The following FAM185A variants were observed in gnomAD, a reference collection of about 807,000 sequenced individuals.
The protein encoded by FAM185A is family with sequence similarity 185 member A.
A neutral mutation model predicts 45.7 loss-of-function variants in FAM185A; 21 were observed. The observed-to-expected ratio is 0.46, with a 90% CI of 0.33 to 0.66. The LOEUF is 0.66. Ranked by LOEUF, FAM185A falls within the 30% of genes least tolerant of loss-of-function variation. The pLI is 0.03. For synonymous variants in FAM185A, 117 were observed against 194.0 expected (o/e 0.60, Z 3.30); for missense variants, 305 against 485.4 (o/e 0.63, Z 3.49).
chr7:102,750,571 T>C (rs1017233741), intron 1 of FAM185A, among the ~76,000 whole-genome samples: 2 of 152,168 alleles, frequency 1.3e-5, no homozygotes, highest in Admixed American at 1.3e-4. Context: ...GCTGTATTTG[T>C]TATTATTGTT....
At position 102,749,463 on chromosome 7, in the gene FAM185A, G is replaced by C; in HGVS notation, c.256G>C (p.Ala86Pro). ...RLRARLPCHLAVRPLDPLTYP... is the reference protein window; with the variant it reads ...RLRARLPCHLPVRPLDPLTYP... ...GCGGGCGCGGCTCCCGTGCCACCTG[G>C]CCGTGAGGCCCCTGGACCCCCTCAC... The change falls in exon 1 of 8, where the codon GCC becomes CCC. Residue 86 changes from alanine to proline, a missense_variant. Physicochemically the swap from Ala to Pro is conservative, Grantham distance 27. Around this residue, in one of 5 missense-constraint regions of FAM185A, gnomAD observed 174 missense variants for 247.1 expected, o/e 0.70. Transcript: ENST00000413034. 3.2e-6 allele frequency: 5 copies of C among 1,547,244 alleles called. No homozygotes were observed. Among genetic ancestry groups the C allele is most frequent in the Non-Finnish European group, 4.4e-6 (5 of 1,145,886 alleles).
chr7:102,839,275 C>T, the FAM185A span, among the ~76,000 whole-genome samples: 2 of 152,204 alleles, frequency 1.3e-5, no homozygotes, highest in Admixed American at 1.3e-4. Flanking sequence ...TCCCCACCAT[C>T]ACCCTGCTCT....
chr7:102,786,820 AAGT>A (rs1328587303), intron 6 of FAM185A, among the ~76,000 whole-genome samples: 1 of 127,452 alleles, frequency 7.8e-6, no homozygotes, highest in Non-Finnish European at 1.6e-5. Flanking sequence ...CTAAAACTTA[AAGT>A]ATAATAAAAA....
At chr7:102,763,534 G>C (rs1373029686) in intron 4 of FAM185A, among the ~76,000 whole-genome samples, 8 of 152,188 alleles carry the variant, frequency 5.3e-5, no homozygotes, top group Admixed American at 2.6e-4. Context: ...TAACCCACAC[G>C]GAGAGCTCTG....
At chr7:102,789,406 A>C (rs1796014977) in intron 7 of FAM185A, among the ~76,000 whole-genome samples, 1 of 152,244 alleles carries the variant, frequency 6.6e-6, no homozygotes, top group Admixed American at 6.5e-5. Context: ...TTATAAACTT[A>C]CATTTTAAAA....
intron 7 of FAM185A, among the ~76,000 whole-genome samples, chr7:102,792,747 C>A (rs1482315381): frequency 1.4e-5 from 2 of 144,230 alleles, no homozygotes; most frequent in Admixed American, 1.4e-4. Flanking sequence ...AAAGCATATA[C>A]AACATAAATT....
chr7:102,770,116 T>C (rs1165714519), intron 4 of FAM185A, among the ~76,000 whole-genome samples: 1 of 152,252 alleles, frequency 6.6e-6, no homozygotes, highest in Non-Finnish European at 1.5e-5. Context: ...GGTTTTCTTG[T>C]ATTTTTATTC....
rs1017545219 is a variant in FAM185A at position 102,808,033 on chromosome 7, C to G, written c.1067-257C>G. 2.0e-5 allele frequency among the ~76,000 whole-genome samples: 3 copies of G among 151,848 alleles called. No individual in the cohort carries two copies. The East Asian group carries it at 5.8e-4, about 29-fold the overall frequency. ...CCGAGATCGTGCCACTGTACTCCAG[C>G]CTGGGCAACAGAGTGACACTATGTC... is the stretch of plus-strand genomic sequence containing the variant. On this transcript the variant is annotated intron_variant, in intron 7 of 7. Coordinates refer to ENST00000413034, the MANE Select transcript of FAM185A (RefSeq NM_001145268.2).
chr7:102,767,134 C>CTTTT (rs56733214), intron 4 of FAM185A, among the ~76,000 whole-genome samples: 1,881 of 139,722 alleles, frequency 0.013, 43 homozygotes, highest in African/African-American at 0.046. Context: ...AGAATTACAG[C>CTTTT]TTTTTTTTTT....
chr7:102,765,621 G>A (rs547387320), intron 4 of FAM185A, among the ~76,000 whole-genome samples: 5 of 152,196 alleles, frequency 3.3e-5, no homozygotes, highest in Admixed American at 3.3e-4. Flanking sequence ...TATGTATAGA[G>A]AAGAAAATAA....
At position 102,793,208 on chromosome 7, in the gene FAM185A, T is replaced by TTGTTG. The variant is rs1554381588; in HGVS notation, c.1066+5740_1066+5741insGTTGT. 1.6e-3 allele frequency among the ~76,000 whole-genome samples: 249 copies of TTGTTG among 151,654 alleles called. 1 individual carries two copies. The highest frequency in any genetic ancestry group is 3.0e-3 in the Non-Finnish European group (202 of 67,956). The stretch of plus-strand genomic sequence containing the variant: ...CATAGTGCTTTTATGGTGTTTTTTT[T>TTGTTG]TTGTTGTTGTTGTTGTTTTTTGAGA... On this transcript the variant is annotated intron_variant, in intron 7 of 7. Coordinates refer to ENST00000413034, the MANE Select transcript of FAM185A (RefSeq NM_001145268.2).
At chr7:102,793,211 G>T (rs1416611342) in intron 7 of FAM185A, among the ~76,000 whole-genome samples, 14 of 149,456 alleles carry the variant, frequency 9.4e-5, no homozygotes, top group East Asian at 3.9e-4. Flanking sequence ...TTTTTTTTTT[G>T]TTGTTGTTGT....
chr7:102,838,024 G>C, the FAM185A span, among the ~76,000 whole-genome samples: 1 of 152,238 alleles, frequency 6.6e-6, no homozygotes, highest in Non-Finnish European at 1.5e-5. Flanking sequence ...CAGCACAGGA[G>C]TGAGGAGAAT....
At position 102,777,869 on chromosome 7, in the gene FAM185A, A is replaced by G. The variant is rs1389117648; in HGVS notation, c.931+521A>G. Among the ~76,000 whole-genome samples, 4 of 152,124 alleles carry G rather than the reference A, an allele frequency of 2.6e-5. No individual in the cohort carries two copies. In the East Asian group the frequency reaches 7.7e-4, roughly 29 times the overall value. On this transcript the variant is annotated intron_variant, in intron 6 of 7. Coordinates refer to ENST00000413034, the MANE Select transcript of FAM185A (RefSeq NM_001145268.2). Reference sequence around the variant, plus strand: ...ATATGTCTCTATCATTTAACTTCTGACACAACTTATTCTGAGTCCAACTCT... The same window carrying G: ...ATATGTCTCTATCATTTAACTTCTGGCACAACTTATTCTGAGTCCAACTCT...
intron 6 of FAM185A, among the ~76,000 whole-genome samples, chr7:102,780,103 C>T (rs1795314848): frequency 6.6e-6 from 1 of 152,040 alleles, no homozygotes; most frequent in Admixed American, 6.6e-5. Context: ...ATGCTTATCT[C>T]AAACTTCTAG....
intron 4 of FAM185A, among the ~76,000 whole-genome samples, chr7:102,764,792 G>A (rs1257995414): frequency 2.0e-5 from 3 of 151,118 alleles, no homozygotes; most frequent in African/African-American, 7.3e-5. Flanking sequence ...TTTTTCTTAA[G>A]CAAGGCTTAA....
At chr7:102,841,808 A>G in the FAM185A span, among the ~76,000 whole-genome samples, 32,173 of 152,050 alleles carry the variant, frequency 0.21, 4,026 homozygotes, top group East Asian at 0.59. Flanking sequence ...GGTCTCCAGG[A>G]GTATGTTGTT....
chr7:102,795,211 C>T (rs564219270), intron 7 of FAM185A, among the ~76,000 whole-genome samples: 1 of 152,214 alleles, frequency 6.6e-6, no homozygotes, highest in South Asian at 2.1e-4. Flanking sequence ...AGTTAATTTG[C>T]CAGCTAATTT....
the FAM185A span, among the ~76,000 whole-genome samples, chr7:102,848,543 G>A: frequency 4.2e-5 from 1 of 23,568 alleles, no homozygotes; most frequent in Non-Finnish European, 5.9e-5. Context: ...GCGACAGAGC[G>A]AGACTCCGTC....
Sources: gnomAD v4.1 joint callset for allele counts (sites outside exome capture counted in the v4.1 genomes callset) on GRCh38, gnomAD v4.1.1 for gene constraint, gnomAD v4.1.1 regional missense constraint, MANE v1.5 for transcripts, NCBI Gene and HGNC (gene_info 2026-07-23, HGNC 2026-07-21) for gene names.